The following NFIB variants were observed in gnomAD, a reference collection of about 807,000 sequenced individuals.
NFIB encodes the protein nuclear factor 1 B-type.
In NFIB, 11 loss-of-function variants were observed where a neutral mutation model predicts 61.5. The ratio of observed to expected loss-of-function variants is 0.18; its 90% CI spans 0.11 to 0.30. The LOEUF is 0.30. NFIB is among the 10% of genes least tolerant of loss of function. The pLI, the probability that NFIB is intolerant of heterozygous loss-of-function variation, is 1.00. For synonymous variants in NFIB, 260 were observed against 216.5 expected, an observed-to-expected ratio of 1.20 and a Z score of -1.76; for missense variants, 471 against 608.9, an observed-to-expected ratio of 0.77 and a Z score of 2.38.
At chr9:14,161,736 C>T (rs2044228259) in intron 3 of NFIB, among the ~76,000 whole-genome samples, 1 of 152,116 alleles carries the variant, frequency 6.6e-6, no homozygotes, top group African/African-American at 2.4e-5. Context: ...CTGTAATTAA[C>T]ATCCTCATAC....
chr9:14,315,231 G>A (rs1350080580), upstream of NFIB, among the ~76,000 whole-genome samples: 1 of 151,636 alleles, frequency 6.6e-6, no homozygotes, highest in Non-Finnish European at 1.5e-5. Flanking sequence ...TTCGTCCCGG[G>A]TCTGCCCACC....
At chr9:14,452,616 A>G in the NFIB span, among the ~76,000 whole-genome samples, 2 of 152,332 alleles carry the variant, frequency 1.3e-5, no homozygotes, top group East Asian at 3.9e-4. Flanking sequence ...CTGTCAGAAT[A>G]TAATGAGAAA....
intron 2 of NFIB, among the ~76,000 whole-genome samples, chr9:14,226,997 C>T (rs115319550): frequency 0.016 from 2,443 of 151,772 alleles, 73 homozygotes; most frequent in African/African-American, 0.055. Flanking sequence ...AAAAATTAGC[C>T]GGCCGTGGTG....
chr9:14,303,557 AAG>A (rs2059867992), intron 2 of NFIB, among the ~76,000 whole-genome samples: 1 of 152,172 alleles, frequency 6.6e-6, no homozygotes, highest in East Asian at 1.9e-4. Context: ...TAAAAAAAGG[AAG>A]AGTTTTATAT....
Position 14,314,007 on chromosome 9 carries a change from G to T in NFIB, c.-496C>A, listed in dbSNP as rs2060418499. 2.8e-6 allele frequency: 3 copies of T among 1,068,042 alleles called. No homozygotes were observed. Among genetic ancestry groups the T allele is most frequent in the Non-Finnish European group, 3.4e-6 (3 of 882,396 alleles). 66.2% of individuals were successfully genotyped at this position (1,068,042 alleles called of 1,614,324 possible). On this transcript the variant is annotated 5_prime_UTR_variant, in exon 1 of 11. Coordinates refer to ENST00000380953, the MANE Select transcript of NFIB (RefSeq NM_001190737.2). ...GGGCGGGCGGGAGGGAGAGCGGGGA[G>T]AATGTGTCACCGCGCTGGGAAAGTT...
At chr9:14,435,137 T>G in the NFIB span, among the ~76,000 whole-genome samples, 2 of 152,248 alleles carry the variant, frequency 1.3e-5, no homozygotes, top group African/African-American at 4.8e-5. Context: ...TCCTGAGCCA[T>G]GCATGCCCTA....
At chr9:14,199,694 C>G (rs549310903) in intron 2 of NFIB, among the ~76,000 whole-genome samples, 6 of 152,256 alleles carry the variant, frequency 3.9e-5, no homozygotes, top group Admixed American at 1.3e-4. Flanking sequence ...TCCACTTGGT[C>G]ATTTATTTTT....
the NFIB span, among the ~76,000 whole-genome samples, chr9:14,481,485 G>C: frequency 4.9e-4 from 75 of 151,532 alleles, no homozygotes; most frequent in Non-Finnish European, 8.8e-4. Flanking sequence ...AACAAGACAA[G>C]GGTGACTCAC....
At chr9:14,274,803 A>G (rs1457718687) in intron 2 of NFIB, among the ~76,000 whole-genome samples, 1 of 152,216 alleles carries the variant, frequency 6.6e-6, no homozygotes, top group Admixed American at 6.5e-5. Context: ...GTGCTCTGAC[A>G]GCATGCTAAA....
chr9:14,486,187 G>A, the NFIB span, among the ~76,000 whole-genome samples: 1,573 of 152,224 alleles, frequency 0.01, 29 homozygotes, highest in African/African-American at 0.035. Flanking sequence ...GAAATAAGAA[G>A]AATATTGAAA....
intron 1 of NFIB, among the ~76,000 whole-genome samples, chr9:14,339,862 A>G (rs1265151945): frequency 6.6e-6 from 1 of 152,218 alleles, no homozygotes; most frequent in Non-Finnish European, 1.5e-5. Context: ...GATTTGGTAA[A>G]ACATCAGAAA....
chr9:14,132,225 A>G (rs2040483216), intron 6 of NFIB, among the ~76,000 whole-genome samples: 1 of 152,148 alleles, frequency 6.6e-6, no homozygotes, highest in Non-Finnish European at 1.5e-5. Context: ...GAATAGTCCT[A>G]TTTCTATCTG....
chr9:14,236,434 C>A (rs1174693958), intron 2 of NFIB, among the ~76,000 whole-genome samples: 1 of 152,162 alleles, frequency 6.6e-6, no homozygotes, highest in African/African-American at 2.4e-5. Context: ...TACCATAAAA[C>A]TCTACCACAA....
chr9:14,308,734 A>C (rs1170691201), intron 1 of NFIB, among the ~76,000 whole-genome samples: 1 of 152,236 alleles, frequency 6.6e-6, no homozygotes, highest in Non-Finnish European at 1.5e-5. Flanking sequence ...TAGATTATAG[A>C]GTACCAATCT....
chr9:14,340,029 C>A (rs1014627201), intron 1 of NFIB, among the ~76,000 whole-genome samples: 2 of 152,142 alleles, frequency 1.3e-5, no homozygotes, highest in African/African-American at 4.8e-5. Flanking sequence ...TACAGATGAC[C>A]AGACTGAGGC....
chr9:14,397,545 C>T (rs1015864523), intron 1 of NFIB, among the ~76,000 whole-genome samples: 1 of 152,102 alleles, frequency 6.6e-6, no homozygotes. Flanking sequence ...CAAAAAGATT[C>T]AGAAATTATT....
At chr9:14,203,183 C>T (rs985041806) in intron 2 of NFIB, among the ~76,000 whole-genome samples, 2 of 151,376 alleles carry the variant, frequency 1.3e-5, no homozygotes, top group Non-Finnish European at 2.9e-5. Flanking sequence ...TTTCCTAAAG[C>T]AATTGTTTCA....
At chr9:14,325,051 T>A (rs2060737437) in intron 1 of NFIB, among the ~76,000 whole-genome samples, 2 of 152,090 alleles carry the variant, frequency 1.3e-5, no homozygotes, top group South Asian at 4.1e-4. Flanking sequence ...TGTAAATAAA[T>A]ATGCAAAAAA....
chr9:14,183,762 C>T (rs2047056461), intron 2 of NFIB, among the ~76,000 whole-genome samples: 1 of 152,018 alleles, frequency 6.6e-6, no homozygotes, highest in South Asian at 2.1e-4. Flanking sequence ...TTGGAGGCAG[C>T]CAACCAAAAC....
Sources: allele counts gnomAD v4.1 joint callset (sites outside exome capture counted in the v4.1 genomes callset), GRCh38; gene constraint gnomAD v4.1.1; transcripts MANE v1.5; gene names NCBI Gene and HGNC (gene_info 2026-07-23, HGNC 2026-07-21).